Variants in TLR8 observed in about 807,000 individuals in gnomAD.
The protein encoded by TLR8 is toll like receptor 8.
In TLR8, 5 loss-of-function variants were observed where a neutral mutation model predicts 18.5. The observed-to-expected ratio is 0.27, with a 90% confidence interval of 0.14 to 0.57. The LOEUF is 0.57. Ranked by LOEUF, TLR8 falls within the 20% of genes least tolerant of loss-of-function variation. The pLI is 0.92. For missense variants in TLR8, 543 were observed against 769.8 expected (o/e 0.71, Z 3.49); for synonymous variants, 299 against 300.1 (o/e 1.00, Z 0.04).
At position 12,920,599 on chromosome X, in the gene TLR8, T is replaced by A. The variant is rs1487329764; in HGVS notation, c.1559T>A (p.Val520Glu). Residue 520 changes from valine to glutamate, a missense_variant, in exon 2 of 2, where the codon GTG (valine) becomes GAG (glutamate). Around this residue, in one of 4 missense-constraint regions of TLR8, gnomAD observed 185 missense variants for 298.9 expected, o/e 0.62. Transcript: ENST00000218032. ...LNLSANSNAQ[V>E]LSGTEFSAIP... ...CTGTCTGCAAATAGCAATGCTCAAG[T>A]GTTAAGTGGAACTGAATTTTCAGCC... The A allele has an allele frequency of 8.3e-7, 1 of 1,210,849 alleles. No homozygotes were observed.
chrX:12,919,769 G>C lies in TLR8; in HGVS notation c.729G>C (p.Lys243Asn). The C allele has an allele frequency of 6.6e-6, 8 of 1,211,499 alleles. No homozygotes were observed. Among genetic ancestry groups the C allele is most frequent in the Non-Finnish European group, 7.8e-6 (7 of 895,425 alleles). The part of the protein sequence containing the change: ...QIKYISEEDF[K>N]GLINLTLLDL... ...AATACATTAGTGAAGAAGATTTCAA[G>C]GGATTGATAAATTTAACATTACTAG... The change falls in exon 2 of 2, where the codon AAG becomes AAC. Residue 243 changes from lysine (K) to asparagine (N), a missense_variant. Around this residue, in one of 4 missense-constraint regions of TLR8, gnomAD observed 185 missense variants for 298.9 expected, o/e 0.62. Transcript: ENST00000218032.
At chrX:12,913,872 T>C (rs1323601449) in intron 1 of TLR8, among the ~76,000 whole-genome samples, 1 of 112,481 alleles carries the variant, frequency 8.9e-6, no homozygotes, top group Non-Finnish European at 1.9e-5. Flanking sequence ...TGAAAAATGG[T>C]ATGACAGTGT....
At chrX:12,910,387 TGAA>T (rs1212362106) in intron 1 of TLR8, 3 of 1,165,834 alleles carry the variant, frequency 2.6e-6, no homozygotes, top group Non-Finnish European at 3.4e-6. Flanking sequence ...AAAGGGAGAA[TGAA>T]GGAGTCATCT....
intron 1 of TLR8, among the ~76,000 whole-genome samples, chrX:12,908,813 A>T (rs1410199104): frequency 5.3e-5 from 6 of 112,468 alleles, no homozygotes; most frequent in Admixed American, 4.7e-4. Context: ...GCTTTCTCTG[A>T]AAAGCTGAGA....
intron 1 of TLR8, among the ~76,000 whole-genome samples, chrX:12,916,135 C>T (rs974674708): frequency 2.7e-5 from 3 of 111,750 alleles, no homozygotes; most frequent in Admixed American, 9.5e-5. Context: ...CCCGCCTCGG[C>T]CTAGGTTCCA....
chrX:12,906,899 CGTT>C (rs1399971422), intron 1 of TLR8, among the ~76,000 whole-genome samples, 190 bp downstream of exon 1: 2 of 111,895 alleles, frequency 1.8e-5, no homozygotes, highest in Non-Finnish European at 3.8e-5. Context: ...TTTGTGCACA[CGTT>C]AGTATAAAGG....
intron 1 of TLR8, among the ~76,000 whole-genome samples, chrX:12,907,423 A>G (rs138011053): frequency 0.03 from 3,427 of 112,525 alleles, 46 homozygotes; most frequent in Non-Finnish European, 0.036. Context: ...AGAAAATTCA[A>G]TGAGGTTTAA....
rs1249748420 is a variant in TLR8 at position 12,921,047 on chromosome X, A to G, written c.2007A>G (p.Leu669=). ...FLNLPASLTE[L]HINDNMLKFF... ...ATTTGCCAGCGAGTCTCACTGAACT[A>G]CATATAAATGATAATATGTTAAAGT... Residue 669 remains leucine (L), a synonymous_variant, in exon 2 of 2, where the codon CTA becomes CTG. Coordinates refer to ENST00000218032, the MANE Select transcript of TLR8 (RefSeq NM_138636.5). 1 of 1,211,493 alleles carries G rather than the reference A, an allele frequency of 8.3e-7. No homozygotes were observed. The highest frequency in any genetic ancestry group is 1.1e-6 in the Non-Finnish European group (1 of 895,110).
chrX:12,917,913 T>C (rs1471263126), intron 1 of TLR8, among the ~76,000 whole-genome samples: 1 of 112,365 alleles, frequency 8.9e-6, no homozygotes, highest in East Asian at 2.8e-4. Context: ...GGAGATTGTG[T>C]AGCATGATGG....
Position 12,919,303 on chromosome X carries a change from A to C in TLR8, c.263A>C (p.Asn88Thr). The C allele has an allele frequency of 8.3e-7, 1 of 1,211,687 alleles. No homozygotes were observed. Among genetic ancestry groups the C allele is most frequent in the Non-Finnish European group, 1.1e-6 (1 of 895,521 alleles). Residue 88 changes from asparagine to threonine, a missense_variant, in exon 2 of 2, where the codon AAT (asparagine) becomes ACT (threonine). Physicochemically the swap from Asn to Thr is moderately conservative, Grantham distance 65. Coordinates refer to ENST00000218032, the MANE Select transcript of TLR8 (RefSeq NM_138636.5). ...AATGAATCATTTCAAGGGCTGCAAA[A>C]TCTCACTAAAATAAATCTAAACCAC... ...ITNESFQGLQ[N>T]LTKINLNHNP...
At chrX:12,916,404 A>G (rs771979662) in intron 1 of TLR8, among the ~76,000 whole-genome samples, 1 of 111,942 alleles carries the variant, frequency 8.9e-6, no homozygotes, top group African/African-American at 3.2e-5. Context: ...GCAATGTTGG[A>G]ACTTGGAAAT....
intron 1 of TLR8, among the ~76,000 whole-genome samples, chrX:12,912,165 G>A: frequency 9.0e-6 from 1 of 111,454 alleles, no homozygotes; most frequent in Admixed American, 9.5e-5. Flanking sequence ...TTATTGTAGA[G>A]TTGCTGTTTC....
In TLR8 at chrX:12,920,148, C is replaced by T; in HGVS notation, c.1108C>T (p.Arg370Trp). 5.8e-6 allele frequency: 7 copies of T among 1,211,015 alleles called. No individual in the cohort carries two copies. The highest frequency in any genetic ancestry group is 3.0e-5 in the East Asian group (1 of 33,870). Reference protein sequence around the residue: ...SRNFSKLLSLRALHLRGYVFQ... With the variant: ...SRNFSKLLSLWALHLRGYVFQ... ...AAACTTCTCTAAACTTTTGTCTCTA[C>T]GGGCATTGCATTTAAGAGGTTATGT... is the stretch of plus-strand genomic sequence containing the variant. Residue 370 changes from arginine (R) to tryptophan (W), a missense_variant, in exon 2 of 2, where the codon CGG (arginine) becomes TGG (tryptophan). By Grantham distance (101) the Arg-to-Trp change is moderately radical. This residue lies in a region of TLR8 where 185 missense variants were observed against 298.9 expected (regional missense o/e 0.62). Coordinates refer to ENST00000218032, the MANE Select transcript of TLR8 (RefSeq NM_138636.5).
chrX:12,916,081 A>G (rs1465900952), intron 1 of TLR8, among the ~76,000 whole-genome samples: 1 of 110,629 alleles, frequency 9.0e-6, no homozygotes, highest in African/African-American at 3.3e-5. Flanking sequence ...GTGTTTCTCT[A>G]TGTTGGCCAG....
chrX:12,918,519 T>G (rs1255814391), intron 1 of TLR8, among the ~76,000 whole-genome samples: 1 of 111,215 alleles, frequency 9.0e-6, no homozygotes, highest in Non-Finnish European at 1.9e-5. Flanking sequence ...CTCAGATAGC[T>G]TCATCTTCAA....
At position 12,920,352 on chromosome X, in the gene TLR8, C is replaced by A. The variant is rs5744081; in HGVS notation, c.1312C>A (p.Arg438=). 0.014 allele frequency: 16,473 copies of A among 1,209,090 alleles called. 1,427 individuals carry two copies. The African/African-American group carries it at 0.25, about 19-fold the overall frequency. ...NRISPLVKDT[R]QSYANSSSFQ... ...AATATCACCGTTGGTAAAAGATACC[C>A]GGCAGAGTTATGCAAATAGTTCCTC... The change falls in exon 2 of 2, where the codon CGG becomes AGG. Residue 438 remains arginine (R), a synonymous_variant. Coordinates refer to ENST00000218032, the MANE Select transcript of TLR8 (RefSeq NM_138636.5).
chrX:12,907,239 T>C (rs987200351), intron 1 of TLR8, among the ~76,000 whole-genome samples: 1 of 112,530 alleles, frequency 8.9e-6, no homozygotes, highest in Admixed American at 9.4e-5. Context: ...TTTTAAATAA[T>C]TAGGTTGGTA....
intron 1 of TLR8, among the ~76,000 whole-genome samples, chrX:12,907,391 C>T (rs2042991803): frequency 8.9e-6 from 1 of 112,280 alleles, no homozygotes; most frequent in Non-Finnish European, 1.9e-5. Context: ...CTTTACACTT[C>T]TTTTTAAATG....
At chrX:12,910,556 C>T in intron 1 of TLR8, 1 of 855,120 alleles carries the variant, frequency 1.2e-6, no homozygotes, top group South Asian at 2.5e-5. Context: ...ACCTTTGTGC[C>T]CACACATCTG....
Sources: allele counts gnomAD v4.1 joint callset (sites outside exome capture counted in the v4.1 genomes callset), GRCh38; gene constraint gnomAD v4.1.1; regional missense constraint gnomAD v4.1.1; transcripts MANE v1.5; gene names NCBI Gene and HGNC (gene_info 2026-07-23, HGNC 2026-07-21).